The following DST variants were observed in gnomAD, a reference collection of about 807,000 sequenced individuals.
The protein encoded by DST is dystonin.
DST carries 253 observed loss-of-function variants against 875.2 expected under a neutral mutation model. That is an observed-to-expected ratio of 0.29 (90% CI 0.26 to 0.32). DST has a LOEUF of 0.32. Ranked by LOEUF, DST falls within the 10% of genes least tolerant of loss-of-function variation. The pLI, the probability that DST is intolerant of heterozygous loss-of-function variation, is 1.00. For missense variants in DST, 8,287 were observed against 9,111.6 expected (o/e 0.91, Z 3.68); for synonymous variants, 3,124 against 3,197.1 (o/e 0.98, Z 0.77).
rs962133436 is a variant in DST, at chr6:56,724,987, G to C, written c.687+10241C>G. Among the ~76,000 whole-genome samples, 2 of 150,464 alleles carry C rather than the reference G, an allele frequency of 1.3e-5. 1 individual carries two copies. Among genetic ancestry groups the C allele is most frequent in the Admixed American group, 1.3e-4 (2 of 15,180 alleles). ...GCTGTTTTACACACACACACACACT[G>C]TGTAACAGGCACTGTGTTCAAAATT... is the stretch of plus-strand genomic sequence containing the variant. On this transcript the variant is annotated intron_variant, in intron 5 of 103. Transcript: ENST00000680361.
chr6:56,892,981 G>A (rs1788323466), intron 3 of DST, among the ~76,000 whole-genome samples: 1 of 151,566 alleles, frequency 6.6e-6, no homozygotes, highest in Non-Finnish European at 1.5e-5. Flanking sequence ...GACTCTATAT[G>A]GTAGCTATTG....
Position 56,851,588 on chromosome 6 carries a change from G to A in DST, c.434C>T (p.Ser145Phe), listed in dbSNP as rs543484714. ...SIRRPSSGNA[S>F]YRCSMSSSAD... is the part of the protein sequence containing the mutation. ...AGAGGAAGACATAGAGCAGCGATAG[G>A]ACGCGTTCCCGGAACTCTACAGAGA... The change falls in exon 4 of 104, where the codon TCC becomes TTC. Residue 145 changes from serine to phenylalanine, a missense_variant. Ser to Phe is a radical substitution (Grantham distance 155). This residue lies in a region of DST where 1,160 missense variants were observed against 1,424.3 expected (regional missense o/e 0.81). Transcript: ENST00000680361. The A allele has an allele frequency of 1.2e-6, 2 of 1,613,854 alleles. No homozygotes were observed. The highest frequency in any genetic ancestry group is 1.1e-5 in the South Asian group (1 of 91,034).
At chr6:56,538,360 A>C (rs888698178) in intron 61 of DST, among the ~76,000 whole-genome samples, 12 of 150,428 alleles carry the variant, frequency 8.0e-5, no homozygotes, top group Non-Finnish European at 1.6e-4. Context: ...AAGGAAGGAA[A>C]GTTTTACATC....
At chr6:56,677,723 G>T (rs573572638) in intron 9 of DST, among the ~76,000 whole-genome samples, 1 of 152,270 alleles carries the variant, frequency 6.6e-6, no homozygotes, top group South Asian at 2.1e-4. Context: ...TCAGAAACTT[G>T]AAGCCTTCAT....
chr6:56,635,493 T>C, intron 24 of DST, 96 bp downstream of exon 24: 1 of 1,256,334 alleles, frequency 8.0e-7, no homozygotes. Context: ...GTGGGAAATA[T>C]CAAGAGTGCC....
At chr6:56,863,186 T>A (rs1772195963) in intron 3 of DST, 1 of 152,190 alleles carries the variant, frequency 6.6e-6, no homozygotes, top group African/African-American at 2.4e-5. Flanking sequence ...GGTAATGAAG[T>A]GTTATGGAGC....
At chr6:56,660,008 C>G (rs1380802745) in intron 10 of DST, among the ~76,000 whole-genome samples, 1 of 152,104 alleles carries the variant, frequency 6.6e-6, no homozygotes, top group Non-Finnish European at 1.5e-5. Flanking sequence ...AGACTTTCTA[C>G]TTGTTGGCTT....
chr6:56,468,462 G>A (rs1304581249), intron 98 of DST, among the ~76,000 whole-genome samples: 1 of 152,174 alleles, frequency 6.6e-6, no homozygotes, highest in South Asian at 2.1e-4. Context: ...CAAAATTGGT[G>A]ATTTTGAACA....
intron 5 of DST, 64 bp from the exon 6 acceptor site, chr6:56,704,433 A>ATTT (rs2099324528): frequency 2.8e-6 from 2 of 723,622 alleles, no homozygotes; most frequent in Non-Finnish European, 4.6e-6. Flanking sequence ...ATTCTTAAAC[A>ATTT]TAAAAAGGAG....
At chr6:56,626,841 G>A (rs1427642175) in intron 34 of DST, among the ~76,000 whole-genome samples, 1 of 152,080 alleles carries the variant, frequency 6.6e-6, no homozygotes, top group Admixed American at 6.6e-5. Flanking sequence ...CTGAAAAGTT[G>A]TCAATGACAA....
In DST at chr6:56,482,126, G is replaced by A. The variant is rs748051176; in HGVS notation, c.21455C>T (p.Ala7152Val). Residue 7152 changes from alanine to valine, a missense_variant, in exon 90 of 104, where the codon GCG (alanine) becomes GTG (valine). By Grantham distance (64) the Ala-to-Val change is moderately conservative (BLOSUM62 0). Coordinates refer to ENST00000680361, the MANE Select transcript of DST (RefSeq NM_001374736.1). ...ACCATGGAAACGCAGGGTTTGCTCC[G>A]CCTCAGCCAGCCACTCCAAGAGGGC... ...VHALLEWLAE[A>V]EQTLRFHGVL... is the part of the protein sequence containing the mutation. 1.4e-5 allele frequency: 22 copies of A among 1,613,050 alleles called. No individual in the cohort carries two copies. Among genetic ancestry groups the A allele is most frequent in the South Asian group, 9.9e-5 (9 of 90,952 alleles).
At chr6:56,699,458 T>G (rs2099281950) in intron 9 of DST, among the ~76,000 whole-genome samples, 195 bp downstream of exon 9, 1 of 152,216 alleles carries the variant, frequency 6.6e-6, no homozygotes, top group African/African-American at 2.4e-5. Context: ...ACATTTAAGT[T>G]TATCAAGAAC....
intron 29 of DST, 122 bp downstream of exon 29, chr6:56,631,761 C>A: frequency 1.1e-6 from 1 of 875,346 alleles, no homozygotes; most frequent in Non-Finnish European, 1.9e-6. Flanking sequence ...ACAATCAGAC[C>A]TCACCTCACA....
At chr6:56,861,897 CG>C in intron 3 of DST, 1 of 152,226 alleles carries the variant, frequency 6.6e-6, no homozygotes, top group Non-Finnish European at 1.5e-5. Context: ...TCATGGAGAC[CG>C]GGGAGTCAGA....
intron 49 of DST, among the ~76,000 whole-genome samples, chr6:56,583,075 T>G (rs1346308155): frequency 6.6e-6 from 1 of 152,226 alleles, no homozygotes; most frequent in African/African-American, 2.4e-5. Context: ...TGTGTCTTTA[T>G]AGCAGCATGA....
intron 3 of DST, among the ~76,000 whole-genome samples, chr6:56,891,162 C>A (rs1222734172): frequency 6.6e-6 from 1 of 152,164 alleles, no homozygotes; most frequent in Non-Finnish European, 1.5e-5. Flanking sequence ...GTTCTAGAAG[C>A]CTGCACAGGA....
chr6:56,514,078 C>T (rs2096540446), intron 72 of DST, among the ~76,000 whole-genome samples: 2 of 152,176 alleles, frequency 1.3e-5, no homozygotes, highest in African/African-American at 4.8e-5. Context: ...CAGACAATCA[C>T]AAATTTGTTT....
intron 87 of DST, among the ~76,000 whole-genome samples, chr6:56,485,776 A>G (rs555611252): frequency 3.3e-4 from 51 of 152,328 alleles, no homozygotes; most frequent in African/African-American, 1.1e-3. Context: ...ATTTTGTTTT[A>G]GATTATCAGG....
At chr6:56,811,686 CT>C (rs1419665623) in intron 4 of DST, among the ~76,000 whole-genome samples, 2 of 152,206 alleles carry the variant, frequency 1.3e-5, no homozygotes, top group African/African-American at 4.8e-5. Context: ...AAAGGTCTTT[CT>C]CATTTTCACC....
Sources: gnomAD v4.1 joint callset for allele counts (sites outside exome capture counted in the v4.1 genomes callset) on GRCh38, gnomAD v4.1.1 for gene constraint, gnomAD v4.1.1 regional missense constraint, MANE v1.5 for transcripts, NCBI Gene and HGNC (gene_info 2026-07-23, HGNC 2026-07-21) for gene names.